Variants in PSMA8 observed in about 807,000 individuals in gnomAD.
The protein encoded by PSMA8 is proteasome 20S subunit alpha 8.
PSMA8 carries 18 observed loss-of-function variants against 32.4 expected under a neutral mutation model. The ratio of observed to expected loss-of-function variants is 0.56; its 90% confidence interval spans 0.38 to 0.82. The LOEUF is 0.82. Among genes scored for constraint, PSMA8 ranks in the 40% least tolerant of loss-of-function variants. The pLI is 0.00. For synonymous variants in PSMA8, 104 were observed against 98.1 expected (o/e 1.06, Z -0.36); for missense variants, 298 against 300.7 (o/e 0.99, Z 0.07).
chr18:26,162,537 G>A (rs889329012), intron 4 of PSMA8, among the ~76,000 whole-genome samples: 2 of 152,126 alleles, frequency 1.3e-5, no homozygotes, highest in Non-Finnish European at 2.9e-5. Context: ...GGGCTAGAAT[G>A]ATTATTAACA....
chr18:26,150,001 G>T (rs1356509477), intron 2 of PSMA8, among the ~76,000 whole-genome samples: 1 of 152,114 alleles, frequency 6.6e-6, no homozygotes, highest in Non-Finnish European at 1.5e-5. Context: ...TAAAATTGTG[G>T]TACAGGTTGA....
intron 4 of PSMA8, among the ~76,000 whole-genome samples, chr18:26,164,477 T>G (rs2144318326): frequency 6.6e-6 from 1 of 152,334 alleles, no homozygotes; most frequent in East Asian, 1.9e-4. Flanking sequence ...TAAACTGGCA[T>G]TATATGCGTC....
At chr18:26,152,779 A>G (rs1463218911) in intron 3 of PSMA8, among the ~76,000 whole-genome samples, 3 of 150,556 alleles carry the variant, frequency 2.0e-5, no homozygotes, top group Non-Finnish European at 4.4e-5. Context: ...AATACCAATT[A>G]TAAAAGGGCT....
Position 26,144,730 on chromosome 18 carries a change from T to C in PSMA8, c.229+45T>C, listed in dbSNP as rs1193295569. On this transcript the variant is annotated intron_variant, in intron 2 of 6. Transcript: ENST00000415576. ...AATGATGCATAGTGTCTTACTGTAG[T>C]AGGGCAACACAGTTAACCTCAGTGC... 5 of 1,596,240 alleles carry C rather than the reference T, an allele frequency of 3.1e-6. No individual in the cohort carries two copies. The Admixed American group carries it at 8.4e-5, about 27-fold the overall frequency.
At chr18:26,159,232 G>A (rs1281910138) in intron 4 of PSMA8, among the ~76,000 whole-genome samples, 1 of 152,134 alleles carries the variant, frequency 6.6e-6, no homozygotes, top group Admixed American at 6.5e-5. Context: ...CTTTATGCTT[G>A]TGTTAAATGA....
At chr18:26,141,772 G>C (rs1277096437) in intron 1 of PSMA8, among the ~76,000 whole-genome samples, 3 of 110,934 alleles carry the variant, frequency 2.7e-5, no homozygotes, top group African/African-American at 1.1e-4. Flanking sequence ...TCACTGCCTT[G>C]AACTCCCAGG....
chr18:26,163,213 G>GTGTGTATA (rs1420987062), intron 4 of PSMA8, among the ~76,000 whole-genome samples: 57 of 80,850 alleles, frequency 7.1e-4, no homozygotes, highest in African/African-American at 2.9e-3. Context: ...ATGTGTGTGT[G>GTGTGTATA]TATATATATA....
intron 4 of PSMA8, among the ~76,000 whole-genome samples, chr18:26,162,325 GCCCTC>G (rs1215563139): frequency 2.6e-5 from 4 of 151,230 alleles, no homozygotes; most frequent in Admixed American, 1.3e-4. Flanking sequence ...TCCCTCCTCT[GCCCTC>G]CCCTGTTAAC....
chr18:26,156,803 T>G (rs1432935967), intron 3 of PSMA8, among the ~76,000 whole-genome samples: 1 of 150,784 alleles, frequency 6.6e-6, no homozygotes, highest in Non-Finnish European at 1.5e-5. Flanking sequence ...TGTTGTTTTT[T>G]TGAGACAGGA....
intron 1 of PSMA8, chr18:26,140,220 C>A: frequency 1.5e-6 from 1 of 686,320 alleles, no homozygotes; most frequent in East Asian, 2.7e-5. Context: ...TGGCGTGATG[C>A]CTAGGTCAGC....
chr18:26,141,843 G>A (rs2054959989), intron 1 of PSMA8, among the ~76,000 whole-genome samples: 1 of 148,900 alleles, frequency 6.7e-6, no homozygotes, highest in Non-Finnish European at 1.5e-5. Context: ...CACACACCAT[G>A]CTCGGCTAAT....
rs1264316742 is a variant in PSMA8 at position 26,158,262 on chromosome 18, T to C, written c.477+18T>C. The C allele has an allele frequency of 6.4e-7, 1 of 1,571,502 alleles. No individual in the cohort carries two copies. The highest frequency in any genetic ancestry group is 8.6e-7 in the Non-Finnish European group (1 of 1,158,910). ...CTTGGAAGGTGAGTCATGAATTTAT[T>C]AATACTTTTTTAGAAGTTTAGTAAA... On this transcript the variant is annotated intron_variant, in intron 4 of 6. Transcript: ENST00000415576.
intron 6 of PSMA8, among the ~76,000 whole-genome samples, chr18:26,185,593 A>G (rs1459961248): frequency 2.0e-5 from 3 of 150,876 alleles, no homozygotes; most frequent in African/African-American, 7.3e-5. Flanking sequence ...AACAGTCTCT[A>G]GAAGATTCTG....
intron 6 of PSMA8, among the ~76,000 whole-genome samples, chr18:26,185,582 G>A (rs1047193766): frequency 9.3e-5 from 14 of 150,802 alleles, no homozygotes; most frequent in Admixed American, 1.3e-4. Context: ...GACATCCTTA[G>A]AACAGTCTCT....
At chr18:26,136,034 T>C (rs772712239) in intron 1 of PSMA8, among the ~76,000 whole-genome samples, 18 of 152,194 alleles carry the variant, frequency 1.2e-4, no homozygotes, top group Non-Finnish European at 2.1e-4. Flanking sequence ...ATTGATATTA[T>C]GAGTTACAAA....
At chr18:26,180,350 TTTTG>T (rs553356248) in intron 6 of PSMA8, among the ~76,000 whole-genome samples, 4 of 152,290 alleles carry the variant, frequency 2.6e-5, no homozygotes, top group East Asian at 1.9e-4. Flanking sequence ...CACTGGGGTT[TTTTG>T]TTTGTTTGTT....
At position 26,148,803 on chromosome 18, in the gene PSMA8, G is replaced by A. The variant is rs1385861604; in HGVS notation, c.230-3055G>A. ...ATGTTACAAATAATAAACAAATTGAGCAAAGTTGTAGGACACAAAATCAAC... is the reference window on the plus strand; with the variant it reads ...ATGTTACAAATAATAAACAAATTGAACAAAGTTGTAGGACACAAAATCAAC... On this transcript the variant is annotated intron_variant, in intron 2 of 6. Transcript: ENST00000415576. Among the ~76,000 whole-genome samples, 7 of 152,116 alleles carry A rather than the reference G, an allele frequency of 4.6e-5. No homozygotes were observed. The South Asian group carries it at 6.2e-4, about 14-fold the overall frequency.
intron 1 of PSMA8, among the ~76,000 whole-genome samples, chr18:26,140,948 C>T (rs761585983): frequency 3.9e-5 from 6 of 152,080 alleles, no homozygotes; most frequent in Non-Finnish European, 8.8e-5. Flanking sequence ...TTTTCTACTC[C>T]GTAATATCTT....
At chr18:26,177,256 A>C (rs751219446) in intron 4 of PSMA8, among the ~76,000 whole-genome samples, 4 of 152,176 alleles carry the variant, frequency 2.6e-5, no homozygotes, top group Non-Finnish European at 4.4e-5. Flanking sequence ...GGTTGTCACA[A>C]CTGGGGTGGG....
Sources: gnomAD v4.1 joint callset for allele counts (sites outside exome capture counted in the v4.1 genomes callset) on GRCh38, gnomAD v4.1.1 for gene constraint, MANE v1.5 for transcripts, NCBI Gene and HGNC (gene_info 2026-07-23, HGNC 2026-07-21) for gene names.